Variants in WDR59 observed in about 807,000 individuals in gnomAD.
The protein encoded by WDR59 is WD repeat domain 59, also known as GATOR2 complex protein WDR59.
WDR59 carries 100 observed loss-of-function variants against 131.2 expected under a neutral mutation model. The observed-to-expected ratio is 0.76, with a 90% confidence interval of 0.65 to 0.90. The LOEUF (loss-of-function observed/expected upper bound fraction) is 0.90. Among genes scored for constraint, WDR59 ranks in the 40% least tolerant of loss-of-function variants. The pLI is 0.00. For missense variants in WDR59, 1,203 were observed against 1,262.2 expected, an observed-to-expected ratio of 0.95 and a Z score of 0.71; for synonymous variants, 601 against 466.2, an observed-to-expected ratio of 1.29 and a Z score of -3.72.
chr16:74,935,996 CAAA>C (rs879688847), intron 8 of WDR59, among the ~76,000 whole-genome samples: 1 of 106,028 alleles, frequency 9.4e-6, no homozygotes, highest in Non-Finnish European at 2.0e-5. Context: ...GACTCCACCT[CAAA>C]AAAAAAAAAA....
chr16:74,984,582 TAGA>T, intron 1 of WDR59: 1 of 279,136 alleles, frequency 3.6e-6, no homozygotes, highest in Non-Finnish European at 7.0e-6. Flanking sequence ...AGCTGAGACT[TAGA>T]AAAGTCCCGC....
chr16:74,904,304 A>G, intron 17 of WDR59: 1 of 561,314 alleles, frequency 1.8e-6, no homozygotes. Flanking sequence ...AGACATAAAA[A>G]ATTCAAAGGA....
chr16:74,891,661 G>A (rs1363478711), intron 20 of WDR59, among the ~76,000 whole-genome samples: 2 of 152,190 alleles, frequency 1.3e-5, no homozygotes, highest in African/African-American at 4.8e-5. Flanking sequence ...GGTGGCTCAC[G>A]CCTGTAATCC....
chr16:74,963,723 A>C (rs759681312), intron 2 of WDR59, among the ~76,000 whole-genome samples: 2 of 152,216 alleles, frequency 1.3e-5, no homozygotes, highest in Non-Finnish European at 2.9e-5. Context: ...CACATCCTGC[A>C]CATGTATCCT....
chr16:74,925,495 G>C (rs919792192), intron 8 of WDR59, among the ~76,000 whole-genome samples: 8 of 143,544 alleles, frequency 5.6e-5, no homozygotes, highest in African/African-American at 7.7e-5. Context: ...AGTGAGCCAA[G>C]ATGGCAACAC....
At chr16:74,916,860 A>AC (rs1457078803) in intron 11 of WDR59, among the ~76,000 whole-genome samples, 12 of 150,638 alleles carry the variant, frequency 8.0e-5, no homozygotes, top group Non-Finnish European at 1.6e-4. Flanking sequence ...CTCCATCTCA[A>AC]AAAAAAAAAA....
intron 10 of WDR59, among the ~76,000 whole-genome samples, chr16:74,920,045 G>C (rs957950310): frequency 6.7e-6 from 1 of 149,654 alleles, no homozygotes; most frequent in African/African-American, 2.4e-5. Flanking sequence ...CGCTAGCCTG[G>C]GTGACAGAGC....
At chr16:74,969,348 C>G (rs1360064201) in intron 1 of WDR59, among the ~76,000 whole-genome samples, 1 of 151,522 alleles carries the variant, frequency 6.6e-6, no homozygotes, top group African/African-American at 2.4e-5. Context: ...TCTTGGCTCA[C>G]TGCAACCTCC....
intron 1 of WDR59, among the ~76,000 whole-genome samples, chr16:74,983,799 G>A (rs898425026): frequency 6.6e-6 from 1 of 151,806 alleles, no homozygotes; most frequent in Non-Finnish European, 1.5e-5. Context: ...AACATAGGGA[G>A]ACCCCGTCTC....
intron 1 of WDR59, among the ~76,000 whole-genome samples, chr16:74,972,409 A>G (rs1190313876): frequency 1.3e-5 from 2 of 152,196 alleles, no homozygotes; most frequent in Non-Finnish European, 2.9e-5. Context: ...ACTTGGTTTC[A>G]GCAATCCAAA....
chr16:74,904,233 T>C (rs1207931255), intron 17 of WDR59, 133 bp from the exon 18 acceptor site: 2 of 1,101,568 alleles, frequency 1.8e-6, no homozygotes, highest in Admixed American at 2.4e-5. Flanking sequence ...AAGAAGTCAA[T>C]AAAACTTTTA....
intron 3 of WDR59, among the ~76,000 whole-genome samples, chr16:74,953,038 A>G (rs2033091498): frequency 1.3e-5 from 2 of 152,176 alleles, no homozygotes; most frequent in African/African-American, 4.8e-5. Flanking sequence ...CTCTCCCAGC[A>G]CACGACACAG....
At chr16:74,956,448 T>C in intron 3 of WDR59, 27 bp downstream of exon 3, 2 of 1,607,288 alleles carry the variant, frequency 1.2e-6, no homozygotes, top group Non-Finnish European at 1.7e-6. Flanking sequence ...TTAACAGCAT[T>C]CTCCTGTATT....
chr16:74,984,500 G>A (rs1012402094), intron 1 of WDR59: 1 of 191,498 alleles, frequency 5.2e-6, no homozygotes, highest in Non-Finnish European at 1.1e-5. Context: ...CCACTTAACC[G>A]CGTAGACGCT....
rs1597709448 is a variant in WDR59 at position 74,916,228 on chromosome 16, T to C, written c.998A>G (p.Asp333Gly). ...LCANDILDGVDEFIESISLLP... is the reference protein window; with the variant it reads ...LCANDILDGVGEFIESISLLP... Reference sequence around the variant, plus strand: ...AAGGGAAATACTCTCAATGAACTCATCAACACCATCTAATATGTCATTTGC... The same window carrying C: ...AAGGGAAATACTCTCAATGAACTCACCAACACCATCTAATATGTCATTTGC... The change falls in exon 12 of 26, where the codon GAT becomes GGT. Residue 333 changes from aspartate (D) to glycine (G), a missense_variant. By Grantham distance (94) the Asp-to-Gly change is moderately conservative. Coordinates refer to ENST00000262144, the MANE Select transcript of WDR59 (RefSeq NM_030581.4). 1 of 1,614,066 alleles carries C rather than the reference T, an allele frequency of 6.2e-7. No homozygotes were observed. The highest frequency in any genetic ancestry group is 2.2e-5 in the East Asian group (1 of 44,870).
At chr16:74,935,165 G>A (rs931507574) in intron 8 of WDR59, among the ~76,000 whole-genome samples, 2 of 152,068 alleles carry the variant, frequency 1.3e-5, no homozygotes, top group African/African-American at 4.8e-5. Context: ...GGGAGGCAGA[G>A]GCTGCAGCGA....
intron 1 of WDR59, among the ~76,000 whole-genome samples, chr16:74,978,093 C>T (rs1057318882): frequency 5.3e-5 from 8 of 151,910 alleles, no homozygotes; most frequent in Middle Eastern, 3.4e-3. Context: ...CAGTGGCTCA[C>T]GCCTGTAATC....
chr16:74,912,319 C>T lies in WDR59; in HGVS notation c.1268G>A (p.Ser423Asn). 3.1e-6 allele frequency: 5 copies of T among 1,614,136 alleles called. No homozygotes were observed. The highest frequency in any genetic ancestry group is 4.2e-6 in the Non-Finnish European group (5 of 1,180,034). The change falls in exon 14 of 26, where the codon AGC becomes AAC. Residue 423 changes from serine to asparagine, a missense_variant. Coordinates refer to ENST00000262144, the MANE Select transcript of WDR59 (RefSeq NM_030581.4). ...CACCAGCATCTTGACACGATGGTTG[C>T]TGCAGTGCACAGACACTGTGCAGCT... ...DRSCTVSVHC[S>N]NHRVKMLVKF...
chr16:74,959,135 A>G (rs1333226266), intron 2 of WDR59, among the ~76,000 whole-genome samples: 1 of 152,148 alleles, frequency 6.6e-6, no homozygotes, highest in Non-Finnish European at 1.5e-5. Flanking sequence ...AGTGGGTGCT[A>G]TTCTCCCCTA....
Sources: allele counts gnomAD v4.1 joint callset (sites outside exome capture counted in the v4.1 genomes callset), GRCh38; gene constraint gnomAD v4.1.1; transcripts MANE v1.5; gene names NCBI Gene and HGNC (gene_info 2026-07-23, HGNC 2026-07-21).